The following SGK3 variants were observed in gnomAD, a reference collection of about 807,000 sequenced individuals.
The protein encoded by SGK3 is serum/glucocorticoid regulated kinase family member 3.
In SGK3, 47 loss-of-function variants were observed where a neutral mutation model predicts 68.5. The ratio of observed to expected loss-of-function variants is 0.69; its 90% CI spans 0.54 to 0.87. SGK3 has a LOEUF of 0.87. Among genes scored for constraint, SGK3 ranks in the 40% least tolerant of loss-of-function variants. The pLI is 0.00. For missense variants in SGK3, 479 were observed against 575.5 expected, an observed-to-expected ratio of 0.83 and a Z score of 1.72; for synonymous variants, 181 against 189.1, an observed-to-expected ratio of 0.96 and a Z score of 0.35.
chr8:66,843,474 G>A lies in SGK3; in HGVS notation c.1001G>A (p.Arg334Lys). The change falls in exon 14 of 17, where the codon AGA becomes AAA. Residue 334 changes from arginine (R) to lysine (K), a missense_variant. By Grantham distance (26) the Arg-to-Lys change is conservative (BLOSUM62 2). Coordinates refer to ENST00000521198, the MANE Select transcript of SGK3 (RefSeq NM_001033578.3). ...TAGTATCTTGCACCTGAAGTAATTAGAAAACAGCCCTATGACAATACTGTA... is the reference window on the plus strand; with the variant it reads ...TAGTATCTTGCACCTGAAGTAATTAAAAAACAGCCCTATGACAATACTGTA... ...TPEYLAPEVIRKQPYDNTVDW... is the reference protein window; with the variant it reads ...TPEYLAPEVIKKQPYDNTVDW... 6.2e-7 allele frequency: 1 copy of A among 1,613,612 alleles called. No homozygotes were observed. Among genetic ancestry groups the A allele is most frequent in the South Asian group, 1.1e-5 (1 of 91,036 alleles).
chr8:66,751,175 G>T (rs1051501769), intron 1 of SGK3, among the ~76,000 whole-genome samples: 1 of 152,060 alleles, frequency 6.6e-6, no homozygotes, highest in Non-Finnish European at 1.5e-5. Flanking sequence ...GGTGGCGGGC[G>T]CCTGTAGTCC....
At chr8:66,803,830 T>A (rs868379016) in intron 3 of SGK3, among the ~76,000 whole-genome samples, 2 of 151,980 alleles carry the variant, frequency 1.3e-5, no homozygotes, top group African/African-American at 2.4e-5. Context: ...CTTTTTTTTT[T>A]ATTTTATTTT....
intron 4 of SGK3, among the ~76,000 whole-genome samples, chr8:66,809,138 G>T (rs1044806383): frequency 6.6e-6 from 1 of 152,140 alleles, no homozygotes; most frequent in Non-Finnish European, 1.5e-5. Flanking sequence ...AAAGTGCTGG[G>T]ATTACACCAC....
chr8:66,816,231 T>C (rs767358884), intron 5 of SGK3, among the ~76,000 whole-genome samples: 1 of 152,030 alleles, frequency 6.6e-6, no homozygotes, highest in Non-Finnish European at 1.5e-5. Flanking sequence ...CTTCATCTAC[T>C]GACCTCATGA....
rs148352335 is a variant in SGK3 at position 66,858,987 on chromosome 8, C to T, written c.1321-424C>T. 2.6e-5 allele frequency among the ~76,000 whole-genome samples: 4 copies of T among 152,206 alleles called. No individual in the cohort carries two copies. In the East Asian group the frequency reaches 7.7e-4, roughly 29 times the overall value. On this transcript the variant is annotated intron_variant, in intron 16 of 16. Coordinates refer to ENST00000521198, the MANE Select transcript of SGK3 (RefSeq NM_001033578.3). Reference sequence around the variant, plus strand: ...GTTTCAAGGGAATGAATTAGGAAGACATCTAACCTTGCCAGGAATAAACAC... The same window carrying T: ...GTTTCAAGGGAATGAATTAGGAAGATATCTAACCTTGCCAGGAATAAACAC...
chr8:66,739,559 T>A (rs1805421526), intron 1 of SGK3, among the ~76,000 whole-genome samples: 1 of 152,062 alleles, frequency 6.6e-6, no homozygotes, highest in African/African-American at 2.4e-5. Context: ...CAGGCCCAGA[T>A]AATTTTTTGT....
intron 1 of SGK3, among the ~76,000 whole-genome samples, chr8:66,713,756 A>C (rs557302576): frequency 6.6e-6 from 1 of 152,240 alleles, no homozygotes; most frequent in South Asian, 2.1e-4. Flanking sequence ...AACTTATCAT[A>C]TTATAGCGGT....
chr8:66,798,688 G>C, intron 3 of SGK3, 63 bp downstream of exon 3: 1 of 1,408,396 alleles, frequency 7.1e-7, no homozygotes. Context: ...CAAAATAAGA[G>C]AGATGTATTT....
intron 1 of SGK3, among the ~76,000 whole-genome samples, chr8:66,745,833 A>G (rs1222502969): frequency 6.6e-6 from 1 of 152,172 alleles, no homozygotes; most frequent in Non-Finnish European, 1.5e-5. Context: ...AGGGAAGAAT[A>G]CTGTGTCCTC....
intron 8 of SGK3, among the ~76,000 whole-genome samples, chr8:66,832,755 A>G (rs913948207): frequency 6.6e-6 from 1 of 151,774 alleles, no homozygotes; most frequent in African/African-American, 2.4e-5. Flanking sequence ...AAAAAAAGTC[A>G]TTATCTTTTG....
At chr8:66,726,801 T>TA (rs560794837) in intron 1 of SGK3, among the ~76,000 whole-genome samples, 4,494 of 80,898 alleles carry the variant, frequency 0.056, 437 homozygotes, top group African/African-American at 0.2. Flanking sequence ...ACCCTGTCTG[T>TA]AAAAAAAAAA....
intron 1 of SGK3, among the ~76,000 whole-genome samples, chr8:66,770,740 T>A (rs58302409): frequency 6.6e-6 from 1 of 152,232 alleles, no homozygotes; most frequent in South Asian, 2.1e-4. Context: ...TGCACTGATC[T>A]GCGTTGTCAA....
chr8:66,739,188 G>A (rs1031920442), intron 1 of SGK3, among the ~76,000 whole-genome samples: 2 of 152,118 alleles, frequency 1.3e-5, no homozygotes, highest in Non-Finnish European at 2.9e-5. Flanking sequence ...AGGACATGGC[G>A]CTGGATTCTG....
chr8:66,774,157 G>A (rs901763538), intron 1 of SGK3, among the ~76,000 whole-genome samples: 3 of 152,122 alleles, frequency 2.0e-5, no homozygotes, highest in African/African-American at 7.2e-5. Context: ...AAATCCCCTC[G>A]TTTTACTGAT....
At chr8:66,736,870 C>G (rs1265446822) in intron 1 of SGK3, among the ~76,000 whole-genome samples, 1 of 152,108 alleles carries the variant, frequency 6.6e-6, no homozygotes, top group Non-Finnish European at 1.5e-5. Context: ...CCACCCATCT[C>G]AGCCTCCCAA....
rs779257049 is a variant in SGK3 at position 66,813,871 on chromosome 8, G to A, written c.272G>A (p.Arg91Gln). 6.3e-6 allele frequency: 10 copies of A among 1,577,660 alleles called. No individual in the cohort carries two copies. The highest frequency in any genetic ancestry group is 3.6e-5 in the South Asian group (3 of 83,710). ...NFDPDFIKQRRAGLNEFIQNL... is the reference protein window; with the variant it reads ...NFDPDFIKQRQAGLNEFIQNL... ...CTTCCAGATTTTATTAAACAAAGAC[G>A]AGCAGGACTAAACGAATTCATTCAG... The change falls in exon 5 of 17, where the codon CGA becomes CAA. Residue 91 changes from arginine to glutamine, a missense_variant. Coordinates refer to ENST00000521198, the MANE Select transcript of SGK3 (RefSeq NM_001033578.3).
At chr8:66,797,099 T>C (rs796437607) in intron 2 of SGK3, among the ~76,000 whole-genome samples, 10 of 152,354 alleles carry the variant, frequency 6.6e-5, no homozygotes, top group African/African-American at 2.4e-4. Flanking sequence ...TGTAAATATA[T>C]TTGCTGCAGA....
intron 1 of SGK3, among the ~76,000 whole-genome samples, chr8:66,725,778 TC>T (rs1804969429): frequency 6.6e-6 from 1 of 152,094 alleles, no homozygotes; most frequent in African/African-American, 2.4e-5. Flanking sequence ...ATTAGGAAAT[TC>T]TCATACTGCA....
chr8:66,825,598 C>T (rs1373960921), intron 6 of SGK3, among the ~76,000 whole-genome samples: 1 of 152,072 alleles, frequency 6.6e-6, no homozygotes, highest in East Asian at 1.9e-4. Flanking sequence ...TGAGCCACCT[C>T]GTCTGGCCTA....
Sources: allele counts gnomAD v4.1 joint callset (sites outside exome capture counted in the v4.1 genomes callset), GRCh38; gene constraint gnomAD v4.1.1; transcripts MANE v1.5; gene names NCBI Gene and HGNC (gene_info 2026-07-23, HGNC 2026-07-21).